Variants in ADGRG2 observed in about 807,000 individuals in gnomAD.
ADGRG2 encodes adhesion G protein-coupled receptor G2, also known as G protein-coupled receptor 64.
Under a neutral mutation model 74.1 loss-of-function variants are expected in ADGRG2, and 26 were observed. The observed-to-expected ratio is 0.35, with a 90% CI of 0.26 to 0.49. The LOEUF (loss-of-function observed/expected upper bound fraction) is 0.49, where lower values mean the gene tolerates loss of function less well. ADGRG2 is among the 20% of genes least tolerant of loss of function. The pLI is 0.99. For missense variants in ADGRG2, 619 were observed against 763.1 expected, an observed-to-expected ratio of 0.81 and a Z score of 2.22; for synonymous variants, 296 against 295.2, an observed-to-expected ratio of 1.00 and a Z score of -0.03.
At chrX:19,026,725 C>T (rs2060710462) in intron 11 of ADGRG2, among the ~76,000 whole-genome samples, 1 of 110,756 alleles carries the variant, frequency 9.0e-6, no homozygotes, top group African/African-American at 3.3e-5. Context: ...TGAACTCCTG[C>T]CTTCAGGTGA....
At chrX:19,078,813 A>G (rs930395376) in intron 2 of ADGRG2, among the ~76,000 whole-genome samples, 1 of 110,047 alleles carries the variant, frequency 9.1e-6, no homozygotes, top group African/African-American at 3.3e-5. Context: ...GAAAAAAGAC[A>G]TAAAGATTAA....
At chrX:19,061,957 G>A in intron 3 of ADGRG2, among the ~76,000 whole-genome samples, 1 of 111,649 alleles carries the variant, frequency 9.0e-6, no homozygotes, top group Non-Finnish European at 1.9e-5. Context: ...GGTGTCCACT[G>A]CTGAAGGCTG....
chrX:19,021,431 G>C, intron 13 of ADGRG2: 1 of 422,445 alleles, frequency 2.4e-6, no homozygotes, highest in South Asian at 2.7e-5. Flanking sequence ...TTGCAAACCA[G>C]AGACTCTCTG....
At chrX:19,019,744 G>T (rs765935941) in intron 14 of ADGRG2, 79 bp from the exon 15 acceptor site, 44 of 537,537 alleles carry the variant, frequency 8.2e-5, no homozygotes, top group Non-Finnish European at 3.0e-5. Context: ...GAACCATTAA[G>T]TATCACGGTT....
At chrX:19,019,573 G>C in intron 15 of ADGRG2, 26 bp downstream of exon 15, 1 of 757,410 alleles carries the variant, frequency 1.3e-6, no homozygotes, top group Non-Finnish European at 2.0e-6. Context: ...TTTTTAAGGA[G>C]AAGGGTCAGC....
intron 25 of ADGRG2, among the ~76,000 whole-genome samples, chrX:18,999,507 C>G (rs1191363272): frequency 9.0e-6 from 1 of 111,692 alleles, no homozygotes; most frequent in Non-Finnish European, 1.9e-5. Flanking sequence ...AAAAATAGAC[C>G]TTTTTTTAAA....
rs770191820 is a variant in ADGRG2, at chrX:19,011,930, G to A, written c.1100-1152C>T. On this transcript the variant is annotated intron_variant, in intron 16 of 28. Coordinates refer to ENST00000379869, the MANE Select transcript of ADGRG2 (RefSeq NM_001079858.3). ...AATAGGGAAACAATGATACAAACCT[G>A]TCTTTAACAACAGACAACTCTTAAT... Among the ~76,000 whole-genome samples, 5 of 112,169 alleles carry A rather than the reference G, an allele frequency of 4.5e-5. No homozygotes were observed. In the South Asian group the frequency reaches 1.8e-3, roughly 41 times the overall value.
chrX:19,073,097 C>T (rs1184466173), intron 2 of ADGRG2, among the ~76,000 whole-genome samples: 1 of 112,348 alleles, frequency 8.9e-6, no homozygotes, highest in Non-Finnish European at 1.9e-5. Flanking sequence ...AAGTGAGCCC[C>T]AGAAGCAAAT....
At chrX:19,033,780 A>G (rs1187330974) in intron 7 of ADGRG2, 126 bp from the exon 8 acceptor site, 4 of 391,003 alleles carry the variant, frequency 1.0e-5, no homozygotes, top group South Asian at 8.3e-5. Flanking sequence ...TTAAGACACT[A>G]TCGGTCATCT....
At chrX:19,099,045 G>T (rs373447341) in intron 1 of ADGRG2, among the ~76,000 whole-genome samples, 1 of 111,780 alleles carries the variant, frequency 8.9e-6, no homozygotes, top group Admixed American at 9.5e-5. Flanking sequence ...TTAGCCAGGC[G>T]TGGTAGCAGG....
At chrX:19,013,220 G>A (rs1247121549) in intron 16 of ADGRG2, among the ~76,000 whole-genome samples, 1 of 111,513 alleles carries the variant, frequency 9.0e-6, no homozygotes, top group Non-Finnish European at 1.9e-5. Flanking sequence ...TCTAAGCTGA[G>A]CTGCTATGTT....
At position 19,071,841 on chromosome X, in the gene ADGRG2, A is replaced by T. The variant is rs183212497; in HGVS notation, c.-1-3006T>A. ...AAAAGCACTGCTTTAAAAAAAAAAA[A>T]TGAAGGCATTATTGAGTGAACTTCA... is the stretch of plus-strand genomic sequence containing the variant. On this transcript the variant is annotated intron_variant, in intron 2 of 28. Coordinates refer to ENST00000379869, the MANE Select transcript of ADGRG2 (RefSeq NM_001079858.3). 2.9e-3 allele frequency among the ~76,000 whole-genome samples: 318 copies of T among 111,285 alleles called. 1 individual carries two copies. Among genetic ancestry groups the T allele is most frequent in the African/African-American group, 0.01 (308 of 30,611 alleles).
intron 28 of ADGRG2, among the ~76,000 whole-genome samples, chrX:18,991,945 G>C (rs746133124): frequency 7.2e-5 from 8 of 111,867 alleles, no homozygotes; most frequent in Non-Finnish European, 1.3e-4. Flanking sequence ...CCATTTTGCA[G>C]ATGAGGAAAC....
At chrX:19,033,742 TAA>T in intron 7 of ADGRG2, 88 bp from the exon 8 acceptor site, 1 of 453,782 alleles carries the variant, frequency 2.2e-6, no homozygotes, top group East Asian at 3.8e-5. Context: ...AGTGAAGTGC[TAA>T]AAAAAAAGTC....
chrX:19,022,705 AT>A (rs1004094930), intron 13 of ADGRG2, among the ~76,000 whole-genome samples: 7 of 108,331 alleles, frequency 6.5e-5, no homozygotes, highest in Non-Finnish European at 1.1e-4. Flanking sequence ...TTTAAAAAAA[AT>A]TTTTTTTTCA....
intron 26 of ADGRG2, among the ~76,000 whole-genome samples, chrX:18,997,064 G>A (rs2060031703): frequency 9.0e-6 from 1 of 111,340 alleles, no homozygotes; most frequent in Non-Finnish European, 1.9e-5. Flanking sequence ...CTCCAGCCTG[G>A]GTGACAGAGC....
chrX:19,010,137 T>C (rs1319932063), intron 17 of ADGRG2, among the ~76,000 whole-genome samples: 1 of 107,668 alleles, frequency 9.3e-6, no homozygotes, highest in Non-Finnish European at 1.9e-5. Flanking sequence ...TTTTTTTTTT[T>C]TGAGACAGAG....
chrX:19,040,634 C>A (rs2061039928), intron 3 of ADGRG2, among the ~76,000 whole-genome samples: 1 of 111,683 alleles, frequency 9.0e-6, no homozygotes, highest in African/African-American at 3.2e-5. Flanking sequence ...AATTAAACTT[C>A]CATTAACTGT....
intron 2 of ADGRG2, among the ~76,000 whole-genome samples, chrX:19,074,559 CTTCT>C (rs1428828073): frequency 6.4e-4 from 54 of 84,198 alleles, no homozygotes; most frequent in African/African-American, 2.5e-3. Context: ...TCTTCTTCTT[CTTCT>C]TTTTTTTTTT....
Sources: allele counts gnomAD v4.1 joint callset (sites outside exome capture counted in the v4.1 genomes callset), GRCh38; gene constraint gnomAD v4.1.1; transcripts MANE v1.5; gene names NCBI Gene and HGNC (gene_info 2026-07-23, HGNC 2026-07-21).